Variants in NAA35 observed in about 807,000 individuals in gnomAD.
The protein encoded by NAA35 is N-alpha-acetyltransferase 35, NatC auxiliary subunit, also known as MAK10 homolog, amino-acid N-acetyltransferase subunit.
A neutral mutation model predicts 101.7 loss-of-function variants in NAA35; 18 were observed. The ratio of observed to expected loss-of-function variants is 0.18; its 90% CI spans 0.12 to 0.26. The LOEUF is 0.26. Ranked by LOEUF, NAA35 falls within the 10% of genes least tolerant of loss-of-function variation. NAA35 has a pLI of 1.00. For synonymous variants in NAA35, 267 were observed against 273.1 expected, an observed-to-expected ratio of 0.98 and a Z score of 0.22; for missense variants, 601 against 886.8, an observed-to-expected ratio of 0.68 and a Z score of 4.09.
At chr9:85,992,807 A>G (rs957041073) in intron 11 of NAA35, among the ~76,000 whole-genome samples, 7 of 152,226 alleles carry the variant, frequency 4.6e-5, no homozygotes, top group Non-Finnish European at 1.0e-4. Flanking sequence ...ATTAGGTGAT[A>G]GTAGTTGCTC....
At chr9:85,996,248 T>C in intron 11 of NAA35, 151 bp from the exon 12 acceptor site, 2 of 524,168 alleles carry the variant, frequency 3.8e-6, no homozygotes, top group South Asian at 5.1e-5. Context: ...TGTATAGATA[T>C]ATTCTAAATT....
At chr9:85,950,428 A>G (rs1043680141) in intron 2 of NAA35, among the ~76,000 whole-genome samples, 1 of 152,148 alleles carries the variant, frequency 6.6e-6, no homozygotes, top group Admixed American at 6.5e-5. Flanking sequence ...TATTTTTAGC[A>G]GAGATGGGGT....
intron 18 of NAA35, 150 bp from the exon 19 acceptor site, chr9:86,017,348 C>T (rs1587670062): frequency 3.5e-6 from 2 of 563,688 alleles, no homozygotes; most frequent in Non-Finnish European, 6.3e-6. Context: ...AGATTTTGAC[C>T]ATAAATAAAA....
At chr9:85,966,799 A>T in intron 6 of NAA35, 1 of 328,718 alleles carries the variant, frequency 3.0e-6, no homozygotes, top group Non-Finnish European at 5.5e-6. Context: ...TTTCACCTCT[A>T]TAACTCAGCC....
In NAA35 at chr9:86,023,253, T is replaced by C. The variant is rs1442368994; in HGVS notation, c.*1293T>C. ...AACCGAAAAATCTTAAAAAAAATTATTTTTTAAGTAGCCTGTACAATAGAA... is the reference window on the plus strand; with the variant it reads ...AACCGAAAAATCTTAAAAAAAATTACTTTTTAAGTAGCCTGTACAATAGAA... On this transcript the variant is annotated 3_prime_UTR_variant, in exon 23 of 23. Coordinates refer to ENST00000361671, the MANE Select transcript of NAA35 (RefSeq NM_024635.4). Among the ~76,000 whole-genome samples the C allele has an allele frequency of 1.3e-5, 2 of 152,124 alleles. No homozygotes were observed. Among genetic ancestry groups the C allele is most frequent in the Non-Finnish European group, 2.9e-5 (2 of 68,034 alleles).
intron 18 of NAA35, 52 bp downstream of exon 18, chr9:86,016,727 A>G: frequency 1.3e-6 from 2 of 1,554,092 alleles, no homozygotes; most frequent in South Asian, 1.2e-5. Flanking sequence ...TAATTTCTAC[A>G]GATAAATAGA....
rs192585800 is a variant in NAA35, at chr9:85,950,907, C to T, written c.125-5453C>T. On this transcript the variant is annotated intron_variant, in intron 2 of 22. Coordinates refer to ENST00000361671, the MANE Select transcript of NAA35 (RefSeq NM_024635.4). The stretch of plus-strand genomic sequence containing the variant: ...ATCCTAGCACTTTGGGAGGCCAAGG[C>T]GGGTGGATTACTGGAGGTCAGGAGT... Among the ~76,000 whole-genome samples, 197 of 152,126 alleles carry T rather than the reference C, an allele frequency of 1.3e-3. 4 individuals are homozygous for T. In the South Asian group the frequency reaches 0.034, roughly 26 times the overall value.
intron 15 of NAA35, among the ~76,000 whole-genome samples, chr9:86,011,949 A>AGTATATAATATATAAT (rs936456752): frequency 1.4e-5 from 2 of 141,484 alleles, no homozygotes; most frequent in Non-Finnish European, 3.0e-5. Context: ...TATATAATAT[A>AGTATATAATATATAAT]GTATATAATA....
rs540414390 is a variant in NAA35 at position 85,948,394 on chromosome 9, C to G, written c.124+6111C>G. ...TAAGACATTCAGACTCATTGGAGAT[C>G]CTGTTGGTTTCATCTCCTTATAGAA... On this transcript the variant is annotated intron_variant, in intron 2 of 22. Coordinates refer to ENST00000361671, the MANE Select transcript of NAA35 (RefSeq NM_024635.4). Among the ~76,000 whole-genome samples the G allele has an allele frequency of 4.7e-4, 71 of 152,274 alleles. No individual in the cohort carries two copies. In the South Asian group the frequency reaches 4.8e-3, roughly 10 times the overall value.
intron 6 of NAA35, among the ~76,000 whole-genome samples, chr9:85,969,172 C>A (rs1279633289): frequency 6.6e-6 from 1 of 151,698 alleles, no homozygotes. Context: ...TGTTATCTGG[C>A]CCACATGCCT....
intron 14 of NAA35, among the ~76,000 whole-genome samples, 161 bp from the exon 15 acceptor site, chr9:86,009,701 AATT>A (rs1382191971): frequency 1.4e-4 from 21 of 152,222 alleles, no homozygotes; most frequent in African/African-American, 5.1e-4. Flanking sequence ...ATTACATAAT[AATT>A]GTAAAATATT....
intron 6 of NAA35, among the ~76,000 whole-genome samples, chr9:85,965,223 T>C (rs1429487422): frequency 6.6e-6 from 1 of 152,228 alleles, no homozygotes; most frequent in Non-Finnish European, 1.5e-5. Flanking sequence ...CACAAAGACC[T>C]GTGTACAAGG....
At chr9:85,967,147 T>C (rs998426589) in intron 6 of NAA35, among the ~76,000 whole-genome samples, 4 of 151,390 alleles carry the variant, frequency 2.6e-5, no homozygotes, top group South Asian at 2.2e-4. Context: ...TCAACAACAA[T>C]AACAAAAAAG....
At chr9:86,021,368 T>A (rs1399075897) in intron 22 of NAA35, among the ~76,000 whole-genome samples, 1 of 152,222 alleles carries the variant, frequency 6.6e-6, no homozygotes, top group African/African-American at 2.4e-5. Flanking sequence ...CTTTTCTTGG[T>A]AATGTTATAT....
At chr9:85,944,759 CTT>C (rs1338298027) in intron 2 of NAA35, among the ~76,000 whole-genome samples, 1 of 152,118 alleles carries the variant, frequency 6.6e-6, no homozygotes, top group Non-Finnish European at 1.5e-5. Flanking sequence ...GAGGGGAACA[CTT>C]ATGTTTCATT....
At chr9:85,958,247 T>C (rs1283625730) in intron 3 of NAA35, among the ~76,000 whole-genome samples, 2 of 152,170 alleles carry the variant, frequency 1.3e-5, no homozygotes, top group African/African-American at 4.8e-5. Context: ...GGCAGAAATC[T>C]TTTTCTTCCT....
intron 12 of NAA35, among the ~76,000 whole-genome samples, chr9:85,999,183 C>T (rs1352331202): frequency 6.6e-6 from 1 of 152,136 alleles, no homozygotes; most frequent in East Asian, 1.9e-4. Context: ...CATAGAAAGA[C>T]AGTTTTACAG....
chr9:85,992,614 C>T (rs1830966374), intron 11 of NAA35, among the ~76,000 whole-genome samples: 2 of 152,138 alleles, frequency 1.3e-5, no homozygotes, highest in Admixed American at 1.3e-4. Flanking sequence ...GGAAGCAAGA[C>T]AATCCACATT....
At position 86,025,197 on chromosome 9, in the gene NAA35, C is replaced by CT. The variant is rs1320004542; in HGVS notation, c.*3239dup. 6.6e-6 allele frequency among the ~76,000 whole-genome samples: 1 copy of CT among 152,118 alleles called. No individual in the cohort carries two copies. Among genetic ancestry groups the CT allele is most frequent in the Non-Finnish European group, 1.5e-5 (1 of 68,030 alleles). On this transcript the variant is annotated 3_prime_UTR_variant, in exon 23 of 23. Transcript: ENST00000361671. ...CACTGGAAAAAGCCTGCAAAGGAGA[C>CT]TTATCAGGAAAATAAGCAGAATGAG... is the stretch of plus-strand genomic sequence containing the variant.
Sources: allele counts gnomAD v4.1 joint callset (sites outside exome capture counted in the v4.1 genomes callset), GRCh38; gene constraint gnomAD v4.1.1; transcripts MANE v1.5; gene names NCBI Gene and HGNC (gene_info 2026-07-23, HGNC 2026-07-21).